Variants in DCAKD observed in about 807,000 individuals in gnomAD.
DCAKD encodes dephospho-CoA kinase domain-containing protein.
A neutral mutation model predicts 18.7 loss-of-function variants in DCAKD; 15 were observed. The ratio of observed to expected loss-of-function variants is 0.80; its 90% CI spans 0.54 to 1.24. The LOEUF (loss-of-function observed/expected upper bound fraction) is 1.24, where lower values mean the gene tolerates loss of function less well. DCAKD is among the 50% of genes most tolerant of loss of function. DCAKD has a pLI of 0.00. For synonymous variants in DCAKD, 130 were observed against 133.0 expected, an observed-to-expected ratio of 0.98 and a Z score of 0.16; for missense variants, 301 against 322.0, an observed-to-expected ratio of 0.93 and a Z score of 0.50.
chr17:45,061,072 A>G, exon 1 of DCAKD: 1 of 1,268,920 alleles, frequency 7.9e-7, no homozygotes, highest in Non-Finnish European at 1.0e-6. Flanking sequence ...CGGTCCCACC[A>G]ACCTTGCGCC....
At chr17:45,025,683 C>T (rs1196977443) in intron 4 of DCAKD, among the ~76,000 whole-genome samples, 2 of 151,584 alleles carry the variant, frequency 1.3e-5, no homozygotes, top group African/African-American at 4.9e-5. Flanking sequence ...TGCCTTGTCA[C>T]GAGGCCTGAG....
intron 4 of DCAKD, chr17:45,026,674 T>C (rs2053062630): frequency 1.0e-6 from 1 of 985,296 alleles, no homozygotes. Context: ...CAAAAACAAA[T>C]GCAGCCACTT....
At position 45,023,355 on chromosome 17, in the gene DCAKD, C is replaced by A; in HGVS notation, c.*1078G>T. The A allele has an allele frequency of 6.6e-6, 1 of 152,266 alleles. No individual in the cohort carries two copies. The highest frequency in any genetic ancestry group is 1.5e-5 in the Non-Finnish European group (1 of 68,038). 9.4% of individuals were successfully genotyped at this position (152,266 alleles called of 1,614,324 possible). A position where few individuals can be genotyped will look rare whatever the true frequency, so the allele number is the denominator to read the frequency against. ...TCTGGGAATCTTGGTTGGTCTGGGGCATTTCAGATCAACACACTTTATTAA... is the reference window on the plus strand; with the variant it reads ...TCTGGGAATCTTGGTTGGTCTGGGGAATTTCAGATCAACACACTTTATTAA... On this transcript the variant is annotated 3_prime_UTR_variant, in exon 5 of 5. Transcript: ENST00000651974.
At chr17:45,032,139 G>A (rs749181511) in intron 3 of DCAKD, 13 of 985,210 alleles carry the variant, frequency 1.3e-5, no homozygotes, top group Non-Finnish European at 1.6e-5. Context: ...GGGAGAGAAT[G>A]CAGAAAGGGC....
intron 1 of DCAKD, among the ~76,000 whole-genome samples, chr17:45,058,423 C>A (rs1382036635): frequency 6.6e-6 from 1 of 150,602 alleles, no homozygotes. Context: ...GCCCAGCCTA[C>A]TTTTTATTTT....
At chr17:45,047,952 A>G (rs1007164564) in intron 1 of DCAKD, among the ~76,000 whole-genome samples, 6 of 152,164 alleles carry the variant, frequency 3.9e-5, no homozygotes, top group Non-Finnish European at 8.8e-5. Flanking sequence ...TGTTTTTATC[A>G]ATTGTGTATT....
At position 45,028,702 on chromosome 17, in the gene DCAKD, A is replaced by T. The variant is rs937517379; in HGVS notation, c.404+1390T>A. On this transcript the variant is annotated intron_variant, in intron 4 of 4. Coordinates refer to ENST00000651974, the MANE Select transcript of DCAKD (RefSeq NM_001288655.2). The stretch of plus-strand genomic sequence containing the variant: ...TGGGATTATAGGCATGAGCCACTGC[A>T]CCCAGCCTTTTTTTTGAGATGGAGT... Among the ~76,000 whole-genome samples the T allele has an allele frequency of 6.8e-5, 10 of 147,546 alleles. 1 individual carries two copies. Among genetic ancestry groups the T allele is most frequent in the African/African-American group, 2.5e-4 (10 of 39,588 alleles).
Position 45,031,210 on chromosome 17 carries a change from C to A in DCAKD, c.317-1031G>T, listed in dbSNP as rs545238185. On this transcript the variant is annotated intron_variant, in intron 3 of 4. Transcript: ENST00000651974. The stretch of plus-strand genomic sequence containing the variant: ...AAGGGTGTCACGGGAAACTTGCACT[C>A]AAAGTGATGCAGGGACAATGGCGGT... 3 of 985,346 alleles carry A rather than the reference C, an allele frequency of 3.0e-6. No individual in the cohort carries two copies. The South Asian group carries it at 1.4e-4, about 46-fold the overall frequency. The allele number at this position is 985,346 out of a possible 1,614,324, so 61.0% of individuals were successfully genotyped here.
intron 1 of DCAKD, among the ~76,000 whole-genome samples, chr17:45,041,130 G>A (rs993798913): frequency 7.2e-5 from 11 of 152,158 alleles, no homozygotes; most frequent in Middle Eastern, 6.8e-3. Flanking sequence ...AAGGTAGCCA[G>A]GGTCATGGCT....
At chr17:45,043,442 C>T (rs1597970620) in intron 1 of DCAKD, among the ~76,000 whole-genome samples, 2 of 152,154 alleles carry the variant, frequency 1.3e-5, no homozygotes, top group Admixed American at 6.5e-5. Flanking sequence ...GCCACTTGAA[C>T]CCTGCAGGCT....
chr17:45,031,552 C>G, intron 3 of DCAKD: 1 of 985,394 alleles, frequency 1.0e-6, no homozygotes, highest in Admixed American at 6.1e-5. Context: ...ATGATAGTTA[C>G]TGTTGCAGGG....
At chr17:45,050,754 G>A (rs767064646) in intron 1 of DCAKD, among the ~76,000 whole-genome samples, 17 of 152,218 alleles carry the variant, frequency 1.1e-4, no homozygotes, top group South Asian at 2.1e-4. Context: ...TTAGAATTGA[G>A]ACTTAATGTC....
At chr17:45,032,200 T>C in intron 3 of DCAKD, 1 of 836,682 alleles carries the variant, frequency 1.2e-6, no homozygotes, top group Non-Finnish European at 1.4e-6. Flanking sequence ...GGAAGGACAC[T>C]GGCACAACAT....
intron 3 of DCAKD, chr17:45,033,842 T>G: frequency 3.3e-6 from 4 of 1,229,052 alleles, no homozygotes; most frequent in Non-Finnish European, 4.1e-6. Context: ...GTCACACAGC[T>G]AGAAAGTCAG....
chr17:45,052,913 C>T (rs1478944457), upstream of DCAKD, among the ~76,000 whole-genome samples: 1 of 151,890 alleles, frequency 6.6e-6, no homozygotes, highest in Non-Finnish European at 1.5e-5. Context: ...CCTGTAATCC[C>T]AGCACTTTGG....
At chr17:45,059,234 C>A (rs989888121) in intron 1 of DCAKD, among the ~76,000 whole-genome samples, 1 of 151,186 alleles carries the variant, frequency 6.6e-6, no homozygotes, top group Non-Finnish European at 1.5e-5. Flanking sequence ...AGCAAGAGAG[C>A]GAGACTCCGT....
upstream of DCAKD, chr17:45,061,114 A>G: frequency 7.5e-7 from 1 of 1,341,314 alleles, no homozygotes; most frequent in South Asian, 1.8e-5. Context: ...CCGAATGCCT[A>G]GGCTTCCGGG....
chr17:45,026,372 C>T (rs1185595037), intron 4 of DCAKD, among the ~76,000 whole-genome samples: 6 of 151,928 alleles, frequency 3.9e-5, no homozygotes, highest in South Asian at 4.2e-4. Context: ...GGACTATAGG[C>T]GCCCGCCACC....
exon 1 of DCAKD, chr17:45,060,966 C>G (rs1184418453): frequency 3.0e-6 from 3 of 1,012,256 alleles, no homozygotes; most frequent in African/African-American, 3.4e-5. Context: ...AGGCTGAAAT[C>G]AAACCTCGGA....
Sources: gnomAD v4.1 joint callset for allele counts (sites outside exome capture counted in the v4.1 genomes callset) on GRCh38, gnomAD v4.1.1 for gene constraint, MANE v1.5 for transcripts, NCBI Gene and HGNC (gene_info 2026-07-23, HGNC 2026-07-21) for gene names.